Variants in GGCT observed in about 807,000 individuals in gnomAD.
The protein encoded by GGCT is cytochrome c-releasing factor 21.
A neutral mutation model predicts 22.1 loss-of-function variants in GGCT; 20 were observed. The observed-to-expected ratio is 0.91, with a 90% CI of 0.64 to 1.32. The LOEUF is 1.32. Ranked by LOEUF, GGCT falls within the 40% of genes most tolerant of loss-of-function variation. GGCT has a pLI of 0.00. For missense variants in GGCT, 209 were observed against 223.5 expected (o/e 0.94, Z 0.41); for synonymous variants, 72 against 78.4 (o/e 0.92, Z 0.43).
At chr7:30,503,529 C>A (rs1393899574) in intron 1 of GGCT, among the ~76,000 whole-genome samples, 1 of 152,152 alleles carries the variant, frequency 6.6e-6, no homozygotes, top group Non-Finnish European at 1.5e-5. Flanking sequence ...GAGGCTGACA[C>A]ATTTGGGTTT....
chr7:30,502,055 C>T (rs1789715793), intron 1 of GGCT, among the ~76,000 whole-genome samples: 1 of 152,198 alleles, frequency 6.6e-6, no homozygotes, highest in Non-Finnish European at 1.5e-5. Context: ...CTGCCTCTTT[C>T]CTGATTTTCA....
chr7:30,503,196 G>A (rs970740579), intron 1 of GGCT, among the ~76,000 whole-genome samples: 4 of 152,148 alleles, frequency 2.6e-5, no homozygotes, highest in African/African-American at 7.2e-5. Context: ...CTGGTCATAC[G>A]CCCCATTGCA....
In GGCT at chr7:30,498,080, AAGAG is replaced by A. The variant is rs748224520; in HGVS notation, c.423+719_423+722del. 3.8e-3 allele frequency among the ~76,000 whole-genome samples: 553 copies of A among 146,910 alleles called. 1 individual carries two copies. The highest frequency in any genetic ancestry group is 0.011 in the Middle Eastern group (3 of 266). On this transcript the variant is annotated intron_variant, in intron 3 of 3. Transcript: ENST00000275428. ...ATATGTATATATATATAGAAAGAGA[AAGAG>A]AGAGAGACTAAATCTATTAAAATAC... is the stretch of plus-strand genomic sequence containing the variant.
chr7:30,498,059 G>GTA (rs1019223975), intron 3 of GGCT, among the ~76,000 whole-genome samples: 117 of 118,040 alleles, frequency 9.9e-4, no homozygotes, highest in African/African-American at 2.8e-3. Context: ...ATACATATAT[G>GTA]TATATATATA....
chr7:30,497,378 T>C, intron 3 of GGCT, 143 bp from the exon 4 acceptor site: 1 of 566,460 alleles, frequency 1.8e-6, no homozygotes, highest in South Asian at 2.7e-5. Flanking sequence ...TTATATAAAA[T>C]AGAATACCAT....
intron 1 of GGCT, among the ~76,000 whole-genome samples, chr7:30,502,443 A>G (rs953735326): frequency 6.6e-6 from 1 of 152,196 alleles, no homozygotes; most frequent in Non-Finnish European, 1.5e-5. Context: ...TATTCTGATC[A>G]TCTTTAAACC....
chr7:30,497,646 A>G (rs1789583436), intron 3 of GGCT: 2 of 628,012 alleles, frequency 3.2e-6, no homozygotes, highest in East Asian at 3.4e-5. Flanking sequence ...AATAAATGGC[A>G]ACTGTGTTTA....
chr7:30,504,748 G>A lies in GGCT; in HGVS notation c.-39C>T, dbSNP rs371065943. On this transcript the variant is annotated 5_prime_UTR_variant, in exon 1 of 4. Transcript: ENST00000275428. ...CCTGCACTGGAGCCTGAAGCAGAGT[G>A]TAAGGAACGGCCAGAGAGCGCAACA... The A allele has an allele frequency of 1.7e-5, 28 of 1,605,740 alleles. No homozygotes were observed. In the Middle Eastern group the frequency reaches 4.9e-4, roughly 28 times the overall value.
chr7:30,500,902 C>G (rs139566547), intron 1 of GGCT, among the ~76,000 whole-genome samples: 1 of 152,112 alleles, frequency 6.6e-6, no homozygotes, highest in African/African-American at 2.4e-5. Context: ...ATGAAACATA[C>G]ACTGAATATG....
chr7:30,500,752 G>A, intron 1 of GGCT, 71 bp from the exon 2 acceptor site: 1 of 1,270,666 alleles, frequency 7.9e-7, no homozygotes, highest in Non-Finnish European at 1.1e-6. Flanking sequence ...AAATAAAAAG[G>A]ATTTACCTTG....
At chr7:30,503,430 G>A (rs1051515427) in intron 1 of GGCT, among the ~76,000 whole-genome samples, 3 of 152,132 alleles carry the variant, frequency 2.0e-5, no homozygotes, top group African/African-American at 7.2e-5. Context: ...TTAAAATCAC[G>A]GCATGGGTAC....
At position 30,496,887 on chromosome 7, in the gene GGCT, C is replaced by G; in HGVS notation, c.*205G>C. On this transcript the variant is annotated 3_prime_UTR_variant, in exon 4 of 4. Transcript: ENST00000275428. ...ACATTCATTTGTCACATATTTCAGG[C>G]CCTCATACACCCCTTTTAAATTGTC... 1 of 366,758 alleles carries G rather than the reference C, an allele frequency of 2.7e-6. No homozygotes were observed. Among genetic ancestry groups the G allele is most frequent in the Non-Finnish European group, 4.9e-6 (1 of 205,750 alleles). The allele number at this position is 366,758 out of a possible 1,614,324, so 22.7% of individuals were successfully genotyped here.
rs769592546 is a variant in GGCT, at chr7:30,504,612, A to C, written c.98T>G (p.Leu33Arg). The C allele has an allele frequency of 3.7e-6, 6 of 1,614,046 alleles. No individual in the cohort carries two copies. The change falls in exon 1 of 4, where the codon CTC becomes CGC. Residue 33 changes from leucine (L) to arginine (R), a missense_variant. Coordinates refer to ENST00000275428, the MANE Select transcript of GGCT (RefSeq NM_024051.4). Reference sequence around the variant, plus strand: ...GAAGAACGCCGCCGAGGGGTTTCGGAGGTGGATCCTCTCTGTCAGCAGGTT... The same window carrying C: ...GAAGAACGCCGCCGAGGGGTTTCGGCGGTGGATCCTCTCTGTCAGCAGGTT... ...GSNLLTERIHLRNPSAAFFCV... is the reference protein window; with the variant it reads ...GSNLLTERIHRRNPSAAFFCV...
At chr7:30,498,599 A>G (rs189911361) in intron 3 of GGCT, among the ~76,000 whole-genome samples, 2 of 152,260 alleles carry the variant, frequency 1.3e-5, no homozygotes, top group East Asian at 3.9e-4. Flanking sequence ...TTGTATTTTT[A>G]GTAGAGATGA....
chr7:30,497,496 T>C, intron 3 of GGCT: 1 of 374,548 alleles, frequency 2.7e-6, no homozygotes, highest in Non-Finnish European at 4.7e-6. Context: ...ATTTTAATAT[T>C]AAGACAAACA....
chr7:30,498,004 AGC>A, intron 3 of GGCT: 2 of 175,086 alleles, frequency 1.1e-5, no homozygotes, highest in Non-Finnish European at 1.3e-5. Flanking sequence ...ACATTACAAA[AGC>A]ATATATATAT....
intron 2 of GGCT, among the ~76,000 whole-genome samples, chr7:30,500,055 C>T (rs1469973067): frequency 6.6e-6 from 1 of 152,178 alleles, no homozygotes; most frequent in African/African-American, 2.4e-5. Flanking sequence ...TGCTCTGCCA[C>T]ACAACTCTGA....
intron 3 of GGCT, chr7:30,497,783 G>A: frequency 6.8e-7 from 1 of 1,461,318 alleles, no homozygotes; most frequent in Non-Finnish European, 9.2e-7. Context: ...CCAACAGAGA[G>A]CTAAGCTTAG....
At chr7:30,504,544 G>A (rs1353728296) in intron 1 of GGCT, 25 bp downstream of exon 1, 1 of 1,612,272 alleles carries the variant, frequency 6.2e-7, no homozygotes, top group Admixed American at 1.7e-5. Context: ...GCCCCGGCGT[G>A]GGTAGCGCGG....
Sources: allele counts gnomAD v4.1 joint callset (sites outside exome capture counted in the v4.1 genomes callset), GRCh38; gene constraint gnomAD v4.1.1; transcripts MANE v1.5; gene names NCBI Gene and HGNC (gene_info 2026-07-23, HGNC 2026-07-21).